The following CAMKK1 variants were observed in gnomAD, a reference collection of about 807,000 sequenced individuals.
CAMKK1 encodes the protein calcium/calmodulin-dependent protein kinase kinase 1.
CAMKK1 carries 20 observed loss-of-function variants against 63.5 expected under a neutral mutation model. That is an observed-to-expected ratio of 0.32 (90% CI 0.22 to 0.46). The LOEUF (loss-of-function observed/expected upper bound fraction) is 0.46, where lower values mean the gene tolerates loss of function less well. CAMKK1 is among the 20% of genes least tolerant of loss of function. CAMKK1 has a pLI of 1.00. For missense variants in CAMKK1, 588 were observed against 658.1 expected, an observed-to-expected ratio of 0.89 and a Z score of 1.17; for synonymous variants, 253 against 269.0, an observed-to-expected ratio of 0.94 and a Z score of 0.58.
At position 3,867,305 on chromosome 17, in the gene CAMKK1, C is replaced by G. The variant is rs571285912; in HGVS notation, c.1342-1294G>C. 3.9e-5 allele frequency among the ~76,000 whole-genome samples: 6 copies of G among 152,248 alleles called. No homozygotes were observed. In the South Asian group the frequency reaches 1.0e-3, roughly 26 times the overall value. On this transcript the variant is annotated intron_variant, in intron 14 of 15. Coordinates refer to ENST00000348335, the MANE Select transcript of CAMKK1 (RefSeq NM_032294.3). ...CGAAGTCTGAAGGCTCTGGGGCAGCCCCTTCCATGGCACGTGGCCAGAGAC... is the reference window on the plus strand; with the variant it reads ...CGAAGTCTGAAGGCTCTGGGGCAGCGCCTTCCATGGCACGTGGCCAGAGAC...
intron 12 of CAMKK1, among the ~76,000 whole-genome samples, chr17:3,870,190 T>C (rs2054778106): frequency 6.6e-6 from 1 of 152,034 alleles, no homozygotes; most frequent in African/African-American, 2.4e-5. Flanking sequence ...CTCGTCCTTT[T>C]CTACACCCAG....
In CAMKK1 at chr17:3,885,672, C is replaced by T. The variant is rs766442798; in HGVS notation, c.16G>A (p.Ala6Thr). The T allele has an allele frequency of 8.1e-6, 13 of 1,612,996 alleles. No individual in the cohort carries two copies. The highest frequency in any genetic ancestry group is 1.6e-4 in the Middle Eastern group (1 of 6,084). MEGGP[A>T]VCCQDPRAEL... The stretch of plus-strand genomic sequence containing the variant: ...GCCCGAGGATCCTGGCAGCAGACAG[C>T]TGGACCCCCCTCCATTGCTTCAGTC... Residue 6 changes from alanine (A) to threonine (T), a missense_variant, in exon 2 of 16, where the codon GCT becomes ACT. This residue lies in a region of CAMKK1 where 357 missense variants were observed against 407.4 expected (regional missense o/e 0.88). Transcript: ENST00000348335.
At chr17:3,872,373 C>A (rs887641627) in intron 12 of CAMKK1, among the ~76,000 whole-genome samples, 181 bp downstream of exon 12, 1 of 152,200 alleles carries the variant, frequency 6.6e-6, no homozygotes, top group African/African-American at 2.4e-5. Flanking sequence ...AGTGACGTTG[C>A]GGAGACCCTT....
Position 3,869,478 on chromosome 17 carries a change from C to T in CAMKK1, c.1341+9G>A. 6.2e-7 allele frequency: 1 copy of T among 1,614,140 alleles called. No homozygotes were observed. The highest frequency in any genetic ancestry group is 8.5e-7 in the Non-Finnish European group (1 of 1,179,982). ...CAGGACAAGGGAGCATCTACCCCGG[C>T]TCTCTTACCACCGTGGTCCAGCTGG... On this transcript the variant is annotated intron_variant, in intron 14 of 15. Coordinates refer to ENST00000348335, the MANE Select transcript of CAMKK1 (RefSeq NM_032294.3).
rs538471152 is a variant in CAMKK1, at chr17:3,890,198, C to T, written c.-44+2741G>A. The stretch of plus-strand genomic sequence containing the variant: ...GGCAACGGGTGCCCTCCGCAGCTCC[C>T]GCCCCCACCCGGGATGACTCAGTCC... On this transcript the variant is annotated intron_variant, in intron 1 of 15. Transcript: ENST00000348335. This position sits in a 1 kb window ranked among gnomAD's most constrained non-coding sequence, Gnocchi z 6.5. 3.3e-4 allele frequency among the ~76,000 whole-genome samples: 50 copies of T among 152,288 alleles called. No individual in the cohort carries two copies. The highest frequency in any genetic ancestry group is 6.2e-4 in the South Asian group (3 of 4,832).
chr17:3,865,765 G>A lies in CAMKK1; in HGVS notation c.1445+143C>T, dbSNP rs2054493217. Reference sequence around the variant, plus strand: ...CCCGACTAACCTTGGGGACAGAGATGCAAATGGGGCCAACACCGAGACCTG... The same window carrying A: ...CCCGACTAACCTTGGGGACAGAGATACAAATGGGGCCAACACCGAGACCTG... On this transcript the variant is annotated intron_variant, in intron 15 of 15. Coordinates refer to ENST00000348335, the MANE Select transcript of CAMKK1 (RefSeq NM_032294.3). 5 of 1,461,606 alleles carry A rather than the reference G, an allele frequency of 3.4e-6. No homozygotes were observed. The South Asian group carries it at 4.1e-5, about 12-fold the overall frequency. 90.5% of individuals were successfully genotyped at this position (1,461,606 alleles called of 1,614,324 possible). A position where few individuals can be genotyped will look rare whatever the true frequency, so the allele number is the denominator to read the frequency against.
rs201974648 is a variant in CAMKK1 at position 3,884,401 on chromosome 17, C to T, written c.387G>A (p.Lys129=). Residue 129 remains lysine, a synonymous_variant, in exon 3 of 16, where the codon AAG becomes AAA. Coordinates refer to ENST00000348335, the MANE Select transcript of CAMKK1 (RefSeq NM_032294.3). This position sits in a 1 kb window ranked among gnomAD's most constrained non-coding sequence, Gnocchi z 4.5. The part of the protein sequence containing the change: ...AEDCVQLNQY[K]LQSEIGKGAY... ...CTACCTTGCCAATCTCACTCTGCAG[C>T]TTGTACTGGTTCAGCTGCACGCAGT... is the stretch of plus-strand genomic sequence containing the variant. 1 of 1,613,956 alleles carries T rather than the reference C, an allele frequency of 6.2e-7. No individual in the cohort carries two copies. Among genetic ancestry groups the T allele is most frequent in the East Asian group, 2.2e-5 (1 of 44,878 alleles).
Position 3,862,188 on chromosome 17 carries a change from T to C in CAMKK1, c.*23A>G. 1 of 1,565,406 alleles carries C rather than the reference T, an allele frequency of 6.4e-7. No homozygotes were observed. The highest frequency in any genetic ancestry group is 8.7e-7 in the Non-Finnish European group (1 of 1,154,634). On this transcript the variant is annotated 3_prime_UTR_variant, in exon 16 of 16. Coordinates refer to ENST00000348335, the MANE Select transcript of CAMKK1 (RefSeq NM_032294.3). The surrounding 1 kb of genome is among the most constrained non-coding windows in gnomAD (Gnocchi z 4.1). ...GGCGCGGGATGAGTGTGCTGCCGGG[T>C]GGCCCTGGGTGCATGCAGGGGCTCA...
At position 3,883,369 on chromosome 17, in the gene CAMKK1, A is replaced by G. The variant is rs2055499292; in HGVS notation, c.514+60T>C. On this transcript the variant is annotated intron_variant, in intron 5 of 15. Transcript: ENST00000348335. The surrounding 1 kb of genome is among the most constrained non-coding windows in gnomAD (Gnocchi z 4.7). ...CCTAGCCAAAACTAGCTCAGGATCG[A>G]GGTCTCCTCCTCTGCCTCCAGGCTA... is the stretch of plus-strand genomic sequence containing the variant. 2 of 1,544,332 alleles carry G rather than the reference A, an allele frequency of 1.3e-6. No homozygotes were observed. Among genetic ancestry groups the G allele is most frequent in the South Asian group, 2.2e-5 (2 of 89,552 alleles).
rs2055449359 is a variant in CAMKK1 at position 3,882,410 on chromosome 17, C to T, written c.685+118G>A. On this transcript the variant is annotated intron_variant, in intron 7 of 15. Transcript: ENST00000348335. The surrounding 1 kb of genome is among the most constrained non-coding windows in gnomAD (Gnocchi z 4.3). ...CCAGGGCTTCAGAACGTGTGTTTTTCTTCTGTCCCCAGGAGGTCAGTGCAT... is the reference window on the plus strand; with the variant it reads ...CCAGGGCTTCAGAACGTGTGTTTTTTTTCTGTCCCCAGGAGGTCAGTGCAT... The T allele has an allele frequency of 6.3e-7, 1 of 1,593,004 alleles. No individual in the cohort carries two copies. The highest frequency in any genetic ancestry group is 1.1e-5 in the South Asian group (1 of 90,576).
intron 15 of CAMKK1, among the ~76,000 whole-genome samples, chr17:3,863,500 A>T (rs138374172): frequency 6.6e-6 from 1 of 152,018 alleles, no homozygotes; most frequent in African/African-American, 2.4e-5. Flanking sequence ...CTCCATCTCA[A>T]AACAAACAAA....
At chr17:3,881,512 G>T in intron 8 of CAMKK1, 115 bp downstream of exon 8, 1 of 986,766 alleles carries the variant, frequency 1.0e-6, no homozygotes, top group Non-Finnish European at 1.6e-6. Context: ...TAAGGGCAGG[G>T]CCTCCGTCTC....
At chr17:3,888,408 G>A (rs554114583) in intron 1 of CAMKK1, among the ~76,000 whole-genome samples, 8 of 152,342 alleles carry the variant, frequency 5.3e-5, no homozygotes, top group East Asian at 3.9e-4. Flanking sequence ...CCGGTTTGGC[G>A]CCCAGGCTCT....
At chr17:3,868,390 A>G (rs79451131) in intron 14 of CAMKK1, among the ~76,000 whole-genome samples, 130 of 124,370 alleles carry the variant, frequency 1.0e-3, no homozygotes, top group Middle Eastern at 5.7e-3. Context: ...ACGCAGGCCC[A>G]TCTAACTGAT....
At position 3,886,709 on chromosome 17, in the gene CAMKK1, C is replaced by T. The variant is rs79366604; in HGVS notation, c.-43-979G>A. On this transcript the variant is annotated intron_variant, in intron 1 of 15. Transcript: ENST00000348335. ...TGACATCCCCTGAGACTCATGTTCTCAAACTCACTGTGTGGCGGCTGAAAC... is the reference window on the plus strand; with the variant it reads ...TGACATCCCCTGAGACTCATGTTCTTAAACTCACTGTGTGGCGGCTGAAAC... Among the ~76,000 whole-genome samples, 1,231 of 152,218 alleles carry T rather than the reference C, an allele frequency of 8.1e-3. 34 individuals carry two copies. Among genetic ancestry groups the T allele is most frequent in the Admixed American group, 0.055 (846 of 15,280 alleles).
intron 9 of CAMKK1, among the ~76,000 whole-genome samples, chr17:3,876,885 G>A (rs2055188763): frequency 1.3e-5 from 2 of 151,610 alleles, no homozygotes; most frequent in African/African-American, 4.8e-5. Flanking sequence ...AGCCTCCCGA[G>A]TAGTTGGGAT....
At chr17:3,888,031 C>T (rs751186234) in intron 1 of CAMKK1, among the ~76,000 whole-genome samples, 2 of 152,304 alleles carry the variant, frequency 1.3e-5, no homozygotes, top group South Asian at 2.1e-4. Context: ...CCATAGTGAT[C>T]GTTACAGCCC....
At chr17:3,869,069 C>G (rs1223993450) in intron 14 of CAMKK1, among the ~76,000 whole-genome samples, 1 of 150,982 alleles carries the variant, frequency 6.6e-6, no homozygotes, top group Non-Finnish European at 1.5e-5. Context: ...CCCGGGTTCA[C>G]ACCATTCTCC....
rs369310674 is a variant in CAMKK1 at position 3,874,552 on chromosome 17, T to C, written c.997-1090A>G. 4.0e-5 allele frequency among the ~76,000 whole-genome samples: 6 copies of C among 151,652 alleles called. No individual in the cohort carries two copies. In the South Asian group the frequency reaches 6.3e-4, roughly 16 times the overall value. On this transcript the variant is annotated intron_variant, in intron 10 of 15. Coordinates refer to ENST00000348335, the MANE Select transcript of CAMKK1 (RefSeq NM_032294.3). ...ATGCCCGGCTAATTTTTGTATTTTT[T>C]AGTAGAGACGGGGTTTCACCACGTT...
Sources: gnomAD v4.1 joint callset for allele counts (sites outside exome capture counted in the v4.1 genomes callset) on GRCh38, gnomAD v4.1.1 for gene constraint, gnomAD v4.1.1 regional missense constraint, Gnocchi (gnomAD v3.1) non-coding constraint, MANE v1.5 for transcripts, NCBI Gene and HGNC (gene_info 2026-07-23, HGNC 2026-07-21) for gene names.